GALNT13: variants seen among roughly 807,000 people sequenced by gnomAD.
GALNT13 encodes polypeptide N-acetylgalactosaminyltransferase 13, also known as UDP-GalNAc:polypeptide N-acetylgalactosaminyltransferase 13.
In GALNT13, 28 loss-of-function variants were observed where a neutral mutation model predicts 64.2. The ratio of observed to expected loss-of-function variants is 0.44; its 90% CI spans 0.32 to 0.60. GALNT13 has a LOEUF of 0.60. GALNT13 is among the 20% of genes least tolerant of loss of function. The pLI is 0.05. For synonymous variants in GALNT13, 214 were observed against 224.6 expected (o/e 0.95, Z 0.42); for missense variants, 577 against 669.8 (o/e 0.86, Z 1.53).
chr2:153,903,317 A>G (rs1193407317), intron 2 of GALNT13, among the ~76,000 whole-genome samples: 29 of 152,106 alleles, frequency 1.9e-4, no homozygotes. Flanking sequence ...CCGATCATGC[A>G]AAACTAATTT....
chr2:154,408,591 A>G (rs143128222), intron 10 of GALNT13, among the ~76,000 whole-genome samples: 2 of 152,202 alleles, frequency 1.3e-5, no homozygotes, highest in East Asian at 1.9e-4. Flanking sequence ...CTTCCATGCA[A>G]TAGTATAGGA....
intron 3 of GALNT13, among the ~76,000 whole-genome samples, chr2:154,005,554 A>C (rs887657798): frequency 6.6e-6 from 1 of 152,178 alleles, no homozygotes; most frequent in Non-Finnish European, 1.5e-5. Flanking sequence ...ACTGGAATCT[A>C]CATTCAAGCT....
At chr2:153,870,653 A>T (rs568876757), upstream of GALNT13, among the ~76,000 whole-genome samples, 3 of 151,830 alleles carry the variant, frequency 2.0e-5, no homozygotes, top group African/African-American at 7.3e-5. Flanking sequence ...AGAAATTTAA[A>T]TGATACTTGA....
the GALNT13 span, among the ~76,000 whole-genome samples, chr2:153,578,474 CT>C: frequency 6.6e-6 from 1 of 152,150 alleles, no homozygotes; most frequent in African/African-American, 2.4e-5. Context: ...TTAAGTCACA[CT>C]TTTCTGTGTT....
the GALNT13 span, among the ~76,000 whole-genome samples, chr2:153,360,232 G>A: frequency 6.6e-6 from 1 of 152,210 alleles, no homozygotes; most frequent in Non-Finnish European, 1.5e-5. Context: ...TGGTGAGTGA[G>A]CGTGCTACCC....
chr2:154,406,642 T>C (rs1399516462), intron 10 of GALNT13, among the ~76,000 whole-genome samples: 1 of 152,156 alleles, frequency 6.6e-6, no homozygotes, highest in Non-Finnish European at 1.5e-5. Flanking sequence ...CTTTCTAAAA[T>C]AGTACCATCT....
the GALNT13 span, among the ~76,000 whole-genome samples, chr2:153,275,211 G>A: frequency 6.6e-6 from 1 of 152,072 alleles, no homozygotes; most frequent in Non-Finnish European, 1.5e-5. Context: ...AGTTTAGTGA[G>A]TTTTTTTAAA....
At chr2:154,164,109 A>G (rs774128084) in intron 4 of GALNT13, among the ~76,000 whole-genome samples, 3 of 152,168 alleles carry the variant, frequency 2.0e-5, no homozygotes, top group Non-Finnish European at 4.4e-5. Context: ...ACATTTTAGT[A>G]GGCATCAATG....
At chr2:153,366,680 A>C in the GALNT13 span, among the ~76,000 whole-genome samples, 2 of 151,296 alleles carry the variant, frequency 1.3e-5, no homozygotes, top group South Asian at 4.2e-4. Flanking sequence ...AGATCCAGAA[A>C]CTCAGAGAAC....
chr2:154,246,007 A>T (rs1162544440), intron 7 of GALNT13, 25 bp downstream of exon 7: 1 of 1,517,358 alleles, frequency 6.6e-7, no homozygotes, highest in Admixed American at 1.7e-5. Flanking sequence ...TCTCTTGAAG[A>T]TTATGTATAT....
chr2:154,210,120 C>T (rs1323161673), intron 4 of GALNT13, among the ~76,000 whole-genome samples: 3 of 152,176 alleles, frequency 2.0e-5, no homozygotes, highest in Non-Finnish European at 4.4e-5. Context: ...GCTAATTTCA[C>T]TAGCATAATG....
At chr2:153,423,054 A>G in the GALNT13 span, among the ~76,000 whole-genome samples, 1 of 151,934 alleles carries the variant, frequency 6.6e-6, no homozygotes, top group African/African-American at 2.4e-5. Context: ...TCTGTCAGGG[A>G]TGTTAGTGAA....
chr2:153,581,354 CAT>C, the GALNT13 span, among the ~76,000 whole-genome samples: 2 of 151,936 alleles, frequency 1.3e-5, no homozygotes, highest in African/African-American at 4.8e-5. Context: ...ATTTTTTTCT[CAT>C]GTTTCTTTTT....
chr2:154,320,268 A>C (rs2105159864), intron 9 of GALNT13, among the ~76,000 whole-genome samples: 1 of 152,280 alleles, frequency 6.6e-6, no homozygotes, highest in South Asian at 2.1e-4. Context: ...TTCATTGTCA[A>C]GGGAGAATAA....
chr2:153,204,315 T>C, the GALNT13 span, among the ~76,000 whole-genome samples: 118 of 152,232 alleles, frequency 7.8e-4, no homozygotes, highest in African/African-American at 2.7e-3. Context: ...CTTGTTTTTA[T>C]CCATATTTCA....
the GALNT13 span, among the ~76,000 whole-genome samples, chr2:153,748,530 A>T: frequency 6.6e-6 from 1 of 152,236 alleles, no homozygotes; most frequent in South Asian, 2.1e-4. Flanking sequence ...ATAATCAATG[A>T]TGAGTACCTT....
intron 2 of GALNT13, among the ~76,000 whole-genome samples, chr2:153,935,581 G>T (rs984201832): frequency 3.3e-5 from 5 of 152,202 alleles, no homozygotes; most frequent in African/African-American, 1.2e-4. Flanking sequence ...TTGTTTAGGT[G>T]GGAGGAAGGG....
chr2:153,911,513 T>A (rs1456495932), intron 2 of GALNT13, among the ~76,000 whole-genome samples: 1 of 152,210 alleles, frequency 6.6e-6, no homozygotes, highest in Admixed American at 6.5e-5. Flanking sequence ...CACTTGTCTG[T>A]GTACTTAAAT....
the GALNT13 span, among the ~76,000 whole-genome samples, chr2:153,211,299 T>C: frequency 2.0e-5 from 3 of 151,878 alleles, no homozygotes; most frequent in East Asian, 5.8e-4. Context: ...TGCACCACCA[T>C]GCCCAACTAA....
Sources: allele counts gnomAD v4.1 joint callset (sites outside exome capture counted in the v4.1 genomes callset), GRCh38; gene constraint gnomAD v4.1.1; transcripts MANE v1.5; gene names NCBI Gene and HGNC (gene_info 2026-07-23, HGNC 2026-07-21).